Variants in SERPIND1 observed in about 807,000 individuals in gnomAD.
SERPIND1 encodes heparin cofactor 2.
Under a neutral mutation model 35.0 loss-of-function variants are expected in SERPIND1, and 34 were observed. That is an observed-to-expected ratio of 0.97 (90% CI 0.74 to 1.29). SERPIND1 has a LOEUF of 1.29. SERPIND1 is among the 50% of genes most tolerant of loss of function. The pLI is 0.00. For missense variants in SERPIND1, 633 were observed against 637.7 expected, an observed-to-expected ratio of 0.99 and a Z score of 0.08; for synonymous variants, 236 against 241.1, an observed-to-expected ratio of 0.98 and a Z score of 0.19.
chr22:20,785,982 C>T, intron 3 of SERPIND1, 22 bp from the exon 4 acceptor site: 6 of 1,614,080 alleles, frequency 3.7e-6, no homozygotes, highest in Non-Finnish European at 5.1e-6. Flanking sequence ...AAAACTGGGC[C>T]CCCCTTTCCT....
chr22:20,777,986 C>A (rs1158350099), intron 1 of SERPIND1, among the ~76,000 whole-genome samples: 4 of 152,120 alleles, frequency 2.6e-5, no homozygotes, highest in African/African-American at 9.7e-5. Context: ...CTGACATCAC[C>A]CTCACACAGA....
rs544115149 is a variant in SERPIND1, at chr22:20,780,706, G to C, written c.889+505G>C. ...CAGGAGAATCACTTGAACCTGGAAG[G>C]CAGAGATTGCAGTGAGCCGAGACTG... is the stretch of plus-strand genomic sequence containing the variant. On this transcript the variant is annotated intron_variant, in intron 2 of 4. Transcript: ENST00000215727. Among the ~76,000 whole-genome samples, 5 of 149,274 alleles carry C rather than the reference G, an allele frequency of 3.3e-5. No individual in the cohort carries two copies. In the East Asian group the frequency reaches 1.0e-3, roughly 30 times the overall value.
At chr22:20,785,210 C>T (rs1934124211) in intron 3 of SERPIND1, among the ~76,000 whole-genome samples, 2 of 152,004 alleles carry the variant, frequency 1.3e-5, no homozygotes, top group Admixed American at 1.3e-4. Context: ...GTTGAGACTA[C>T]AGGCGTGCAC....
At chr22:20,784,710 C>G (rs1396158752) in intron 3 of SERPIND1, among the ~76,000 whole-genome samples, 1 of 152,144 alleles carries the variant, frequency 6.6e-6, no homozygotes, top group African/African-American at 2.4e-5. Context: ...CTACCGAGGA[C>G]ACATCATTCA....
intron 2 of SERPIND1, among the ~76,000 whole-genome samples, chr22:20,781,208 T>C (rs533785989): frequency 1.3e-4 from 20 of 152,300 alleles, no homozygotes; most frequent in African/African-American, 4.3e-4. Context: ...TAAATAAGCA[T>C]GGATTTGTAA....
rs1434136764 is a variant in SERPIND1, at chr22:20,783,990, T to C, written c.908T>C (p.Phe303Ser). 27 of 1,614,088 alleles carry C rather than the reference T, an allele frequency of 1.7e-5. No individual in the cohort carries two copies. The highest frequency in any genetic ancestry group is 2.3e-5 in the Non-Finnish European group (27 of 1,180,010). Residue 303 changes from phenylalanine to serine, a missense_variant, in exon 3 of 5, where the codon TTC becomes TCC. Transcript: ENST00000215727. ...TTTACAGGATCCTGGGTGAATAAAT[T>C]CCCAGTGGAAATGACACACAACCAC... ...IYFKGSWVNK[F>S]PVEMTHNHNF...
At chr22:20,776,550 G>C (rs1933296995) in intron 1 of SERPIND1, among the ~76,000 whole-genome samples, 1 of 152,124 alleles carries the variant, frequency 6.6e-6, no homozygotes, top group Non-Finnish European at 1.5e-5. Context: ...GTATTATAAG[G>C]GGAAGACCCA....
chr22:20,784,598 A>G (rs1569029791), intron 3 of SERPIND1, among the ~76,000 whole-genome samples: 2 of 152,190 alleles, frequency 1.3e-5, no homozygotes, highest in Non-Finnish European at 2.9e-5. Flanking sequence ...TAACAGAATC[A>G]GCGATGCTGA....
At chr22:20,777,076 G>C (rs1257355354) in intron 1 of SERPIND1, among the ~76,000 whole-genome samples, 2 of 151,784 alleles carry the variant, frequency 1.3e-5, no homozygotes, top group Non-Finnish European at 2.9e-5. Context: ...TTGAGATAAG[G>C]ACTCACTCTA....
chr22:20,787,114 G>A lies in SERPIND1; in HGVS notation c.*48G>A. The A allele has an allele frequency of 6.6e-7, 1 of 1,515,860 alleles. No individual in the cohort carries two copies. Among genetic ancestry groups the A allele is most frequent in the Admixed American group, 1.7e-5 (1 of 59,858 alleles). 93.9% of individuals were successfully genotyped at this position (1,515,860 alleles called of 1,614,324 possible). On this transcript the variant is annotated 3_prime_UTR_variant, in exon 5 of 5. Transcript: ENST00000215727. ...AGTGCCTTGGGGGCACCCTCATTTT[G>A]TTTCCATTCCAACAACGAGAACAGA...
At chr22:20,777,382 A>C (rs1933388395) in intron 1 of SERPIND1, among the ~76,000 whole-genome samples, 1 of 151,800 alleles carries the variant, frequency 6.6e-6, no homozygotes, top group Admixed American at 6.6e-5. Flanking sequence ...ACGCCGGCTA[A>C]TTTTTTTGTA....
In SERPIND1 at chr22:20,779,397, G is replaced by C; in HGVS notation, c.85G>C (p.Glu29Gln). The C allele has an allele frequency of 1.2e-6, 2 of 1,614,236 alleles. No homozygotes were observed. Among genetic ancestry groups the C allele is most frequent in the Non-Finnish European group, 1.7e-6 (2 of 1,180,044 alleles). ...GAGCAAAGGCCCGCTGGATCAGCTAGAGAAAGGAGGGGAAACTGCTCAGTC... is the reference window on the plus strand; with the variant it reads ...GAGCAAAGGCCCGCTGGATCAGCTACAGAAAGGAGGGGAAACTGCTCAGTC... ...GGSKGPLDQLEKGGETAQSAD... is the reference protein window; with the variant it reads ...GGSKGPLDQLQKGGETAQSAD... The change falls in exon 2 of 5, where the codon GAG (glutamate) becomes CAG (glutamine). Residue 29 changes from glutamate to glutamine, a missense_variant. Glu to Gln is a conservative substitution (Grantham distance 29). Transcript: ENST00000215727.
In SERPIND1 at chr22:20,780,775, C is replaced by CAAAAA. The variant is rs538327544; in HGVS notation, c.889+586_889+590dup. Among the ~76,000 whole-genome samples the CAAAAA allele has an allele frequency of 2.2e-4, 15 of 67,702 alleles. 1 individual carries two copies. The highest frequency in any genetic ancestry group is 9.6e-3 in the Middle Eastern group (1 of 104). 44.4% of individuals were successfully genotyped at this position (67,702 alleles called of 152,430 possible). A position where few individuals can be genotyped will look rare whatever the true frequency, so the allele number is the denominator to read the frequency against. Reference sequence around the variant, plus strand: ...TGGACGACAGAGTGAGACTCCATCTCAAAAAAAAAAAAAAAAGAAGTAAAA... The same window carrying CAAAAA: ...TGGACGACAGAGTGAGACTCCATCTCAAAAAAAAAAAAAAAAAAAAAGAAGTAAAA... On this transcript the variant is annotated intron_variant, in intron 2 of 4. Transcript: ENST00000215727.
rs147046923 is a variant in SERPIND1, at chr22:20,784,140, T to A, written c.1058T>A (p.Ile353Asn). 1,252 of 1,614,126 alleles carry A rather than the reference T, an allele frequency of 7.8e-4. 1 individual carries two copies. The highest frequency in any genetic ancestry group is 1.1e-3 in the Admixed American group (69 of 60,020). ...CTCCAGCTGGAATACGTGGGGGGCA[T>A]CAGCATGCTAATTGTGGTCCCACAC... is the stretch of plus-strand genomic sequence containing the variant. Reference protein sequence around the residue: ...DILQLEYVGGISMLIVVPHKM... With the variant: ...DILQLEYVGGNSMLIVVPHKM... The change falls in exon 3 of 5, where the codon ATC becomes AAC. Residue 353 changes from isoleucine (I) to asparagine (N), a missense_variant. Coordinates refer to ENST00000215727, the MANE Select transcript of SERPIND1 (RefSeq NM_000185.4).
chr22:20,774,622 G>A (rs149960029), intron 1 of SERPIND1, among the ~76,000 whole-genome samples: 4,497 of 152,158 alleles, frequency 0.03, 88 homozygotes, highest in Middle Eastern at 0.061. Flanking sequence ...TTAGCTGGGC[G>A]TGGTGGCACG....
Position 20,780,158 on chromosome 22 carries a change from C to T in SERPIND1, c.846C>T (p.Asp282=). ...GLIKDALENI[D]PATQMMILNC... ...TAAAAGATGCTCTGGAGAATATAGACCCTGCTACCCAGATGATGATTCTCA... is the reference window on the plus strand; with the variant it reads ...TAAAAGATGCTCTGGAGAATATAGATCCTGCTACCCAGATGATGATTCTCA... Residue 282 remains aspartate (D), a synonymous_variant, in exon 2 of 5, where the codon GAC becomes GAT. Transcript: ENST00000215727. 1.2e-6 allele frequency: 2 copies of T among 1,614,196 alleles called. No homozygotes were observed. Among genetic ancestry groups the T allele is most frequent in the Non-Finnish European group, 1.7e-6 (2 of 1,180,030 alleles).
At position 20,786,061 on chromosome 22, in the gene SERPIND1, G is replaced by A. The variant is rs1210090868; in HGVS notation, c.1221G>A (p.Glu407=). ...TGGAGAAGAACTACAATCTAGTGGA[G>A]TCCCTGAAGTTGATGGGGATCAGGA... ...FKLEKNYNLV[E]SLKLMGIRML... Residue 407 remains glutamate, a synonymous_variant, in exon 4 of 5, where the codon GAG becomes GAA. Transcript: ENST00000215727. The A allele has an allele frequency of 6.2e-7, 1 of 1,614,168 alleles. No homozygotes were observed. Among genetic ancestry groups the A allele is most frequent in the East Asian group, 2.2e-5 (1 of 44,888 alleles).
intron 2 of SERPIND1, among the ~76,000 whole-genome samples, chr22:20,781,919 G>A (rs1313789170): frequency 2.0e-5 from 3 of 152,298 alleles, no homozygotes; most frequent in East Asian, 3.9e-4. Flanking sequence ...AGGGCCGAGG[G>A]AAGAACCATA....
chr22:20,787,698 T>C lies in SERPIND1; in HGVS notation c.*632T>C, dbSNP rs1934360082. ...CCATGTCTCCCATACTAGAGATAAA[T>C]AAATGTAGCCACATTTACTGTGTAT... On this transcript the variant is annotated 3_prime_UTR_variant, in exon 5 of 5. Transcript: ENST00000215727. The C allele has an allele frequency of 6.4e-6, 1 of 156,662 alleles. No homozygotes were observed. Among genetic ancestry groups the C allele is most frequent in the Non-Finnish European group, 1.4e-5 (1 of 70,554 alleles). The allele number at this position is 156,662 out of a possible 1,614,324, so 9.7% of individuals were successfully genotyped here. A position where few individuals can be genotyped will look rare whatever the true frequency, so the allele number is the denominator to read the frequency against.
Sources: gnomAD v4.1 joint callset for allele counts (sites outside exome capture counted in the v4.1 genomes callset) on GRCh38, gnomAD v4.1.1 for gene constraint, MANE v1.5 for transcripts, NCBI Gene and HGNC (gene_info 2026-07-23, HGNC 2026-07-21) for gene names.